PITPNM2: variants seen among roughly 807,000 people sequenced by gnomAD.
PITPNM2 encodes membrane-associated phosphatidylinositol transfer protein 2.
Under a neutral mutation model 132.2 loss-of-function variants are expected in PITPNM2, and 35 were observed. The ratio of observed to expected loss-of-function variants is 0.26; its 90% CI spans 0.20 to 0.35. PITPNM2 has a LOEUF of 0.35. Ranked by LOEUF, PITPNM2 falls within the 10% of genes least tolerant of loss-of-function variation. The pLI, the probability that PITPNM2 is intolerant of heterozygous loss-of-function variation, is 1.00. For synonymous variants in PITPNM2, 738 were observed against 799.2 expected, an observed-to-expected ratio of 0.92 and a Z score of 1.29; for missense variants, 1,332 against 1,912.0, an observed-to-expected ratio of 0.70 and a Z score of 5.66.
In PITPNM2 at chr12:123,023,768, A is replaced by C. The variant is rs1210391217; in HGVS notation, c.79-9726T>G. Among the ~76,000 whole-genome samples the C allele has an allele frequency of 1.3e-5, 2 of 152,214 alleles. No homozygotes were observed. The highest frequency in any genetic ancestry group is 3.8e-4 in the East Asian group (2 of 5,206). On this transcript the variant is annotated intron_variant, in intron 3 of 25. Coordinates refer to ENST00000320201, the MANE Select transcript of PITPNM2 (RefSeq NM_020845.3). This position sits in a 1 kb window ranked among gnomAD's most constrained non-coding sequence, Gnocchi z 4.8. ...CACCAAAAGCACAAGCAACAAAAGA[A>C]AAGACAGATAAACTGGACCTCATCA...
rs191571999 is a variant in PITPNM2, at chr12:122,994,125, C to T, written c.2233+676G>A. ...CTGACCTCAGCTGATCCGCCCGCCT[C>T]GGCCTCCCAAAGTGCTGGATTACAG... On this transcript the variant is annotated intron_variant, in intron 15 of 25. Transcript: ENST00000320201. This position sits in a 1 kb window ranked among gnomAD's most constrained non-coding sequence, Gnocchi z 5.4. 3.9e-5 allele frequency among the ~76,000 whole-genome samples: 6 copies of T among 152,310 alleles called. No individual in the cohort carries two copies. The highest frequency in any genetic ancestry group is 2.1e-4 in the South Asian group (1 of 4,828).
chr12:123,055,828 C>G (rs181034753), intron 2 of PITPNM2, among the ~76,000 whole-genome samples: 1 of 151,992 alleles, frequency 6.6e-6, no homozygotes, highest in African/African-American at 2.4e-5. Flanking sequence ...GCAGAGGGAA[C>G]GGTGACTCCC....
intron 2 of PITPNM2, among the ~76,000 whole-genome samples, chr12:123,070,354 G>A (rs909989730): frequency 4.6e-5 from 7 of 152,200 alleles, no homozygotes; most frequent in Non-Finnish European, 2.9e-5. Flanking sequence ...TATAGTGAAG[G>A]GGTTTGAGCT....
rs1279826619 is a variant in PITPNM2, at chr12:123,000,992, G to T, written c.1153+62C>A. On this transcript the variant is annotated intron_variant, in intron 9 of 25. Coordinates refer to ENST00000320201, the MANE Select transcript of PITPNM2 (RefSeq NM_020845.3). The surrounding 1 kb of genome is among the most constrained non-coding windows in gnomAD (Gnocchi z 5.4). ...CACTGTGCAGAAGCTGGTCAGAAAGGAGGGGGCTGAAGCCCTGCAACCGCC... is the reference window on the plus strand; with the variant it reads ...CACTGTGCAGAAGCTGGTCAGAAAGTAGGGGGCTGAAGCCCTGCAACCGCC... The T allele has an allele frequency of 6.4e-6, 10 of 1,552,746 alleles. No homozygotes were observed. The African/African-American group carries it at 1.4e-4, about 21-fold the overall frequency.
intron 19 of PITPNM2, among the ~76,000 whole-genome samples, 179 bp downstream of exon 19, chr12:122,988,545 C>T (rs528921437): frequency 2.6e-4 from 40 of 152,156 alleles, no homozygotes; most frequent in Non-Finnish European, 5.6e-4. Flanking sequence ...TATGTTCCCT[C>T]CATCCCAATG....
chr12:122,998,334 A>G (rs1183996767), intron 10 of PITPNM2, among the ~76,000 whole-genome samples: 1 of 152,238 alleles, frequency 6.6e-6, no homozygotes, highest in Non-Finnish European at 1.5e-5. Context: ...TGTGAGGTCA[A>G]GGTGAGACCC....
At chr12:123,034,180 T>G (rs1038614522) in intron 3 of PITPNM2, 8 of 261,720 alleles carry the variant, frequency 3.1e-5, no homozygotes, top group Non-Finnish European at 5.1e-5. Context: ...TGGTATTTAC[T>G]GATGGCAGCC....
At chr12:123,055,593 C>T (rs1002949685) in intron 2 of PITPNM2, among the ~76,000 whole-genome samples, 1 of 152,248 alleles carries the variant, frequency 6.6e-6, no homozygotes, top group Non-Finnish European at 1.5e-5. Context: ...CCTGTGTACA[C>T]ACCGTTCTGC....
chr12:122,990,609 C>G lies in PITPNM2; in HGVS notation c.2505G>C (p.Glu835Asp). The G allele has an allele frequency of 6.2e-7, 1 of 1,612,516 alleles. No individual in the cohort carries two copies. The highest frequency in any genetic ancestry group is 8.5e-7 in the Non-Finnish European group (1 of 1,179,986). ...CTGACACCTGGCTGGCGATGCTGATCTCACTGGCTCGGCGGAAGCCACGAC... is the reference window on the plus strand; with the variant it reads ...CTGACACCTGGCTGGCGATGCTGATGTCACTGGCTCGGCGGAAGCCACGAC... ...PASRGFRRAS[E>D]ISIASQVSGM... is the part of the protein sequence containing the mutation. Residue 835 changes from glutamate to aspartate, a missense_variant, in exon 17 of 26, where the codon GAG becomes GAC. By Grantham distance (45) the Glu-to-Asp change is conservative. Around this residue, in one of 6 missense-constraint regions of PITPNM2, gnomAD observed 710 missense variants for 911.5 expected, o/e 0.78. Transcript: ENST00000320201.
chr12:123,122,940 A>G (rs1485172887), intron 1 of PITPNM2, among the ~76,000 whole-genome samples: 2 of 152,252 alleles, frequency 1.3e-5, no homozygotes, highest in Non-Finnish European at 2.9e-5. Context: ...GGGAGTGTAA[A>G]TTGGTACTAC....
In PITPNM2 at chr12:122,988,225, G is replaced by C. The variant is rs756831992; in HGVS notation, c.2997+9C>G. ...ATCGTGGGGGCCTGGGCGCCCGGGGGACCCTCACCCGCAGCTTCACGTGGG... is the reference window on the plus strand; with the variant it reads ...ATCGTGGGGGCCTGGGCGCCCGGGGCACCCTCACCCGCAGCTTCACGTGGG... On this transcript the variant is annotated intron_variant, in intron 20 of 25. Transcript: ENST00000320201. The C allele has an allele frequency of 6.2e-7, 1 of 1,611,170 alleles. No homozygotes were observed. The highest frequency in any genetic ancestry group is 8.5e-7 in the Non-Finnish European group (1 of 1,179,064).
intron 1 of PITPNM2, among the ~76,000 whole-genome samples, chr12:123,131,613 C>G (rs1190140331): frequency 1.3e-5 from 2 of 152,194 alleles, no homozygotes; most frequent in Non-Finnish European, 2.9e-5. Flanking sequence ...GAGGGAGAGT[C>G]TGGTTCCATC....
chr12:123,030,975 T>C (rs1366141963), intron 3 of PITPNM2, among the ~76,000 whole-genome samples: 3 of 151,700 alleles, frequency 2.0e-5, no homozygotes, highest in African/African-American at 7.3e-5. Context: ...TTAGTGATTG[T>C]CAGGGGGTGG....
Position 122,988,873 on chromosome 12 carries a change from C to A in PITPNM2, c.2732-1G>T. On this transcript the variant is annotated splice_acceptor_variant, in intron 18 of 25. Transcript: ENST00000320201. LOFTEE classifies it high-confidence loss of function. ...TTCTGGCCCCACCACTTTGCAGCGA[C>A]TGCCAGGAGGGGCCGTGACTGGGCT... 1 of 1,559,742 alleles carries A rather than the reference C, an allele frequency of 6.4e-7. No homozygotes were observed. Among genetic ancestry groups the A allele is most frequent in the Admixed American group, 1.9e-5 (1 of 51,760 alleles).
At position 123,004,488 on chromosome 12, in the gene PITPNM2, C is replaced by T. The variant is rs770818048; in HGVS notation, c.954G>A (p.Ala318=). ...CTGAGATGCTGTGGCGGGAAGGACT[C>T]GCTGGAAGGCAAAACCCCAGATTGA... ...SKSSRSSKRG[A]SPSRHSISEW... The change falls in exon 8 of 26, where the codon GCG becomes GCA. Residue 318 remains alanine, a splice_region_variant and synonymous_variant. Transcript: ENST00000320201. The surrounding 1 kb of genome is among the most constrained non-coding windows in gnomAD (Gnocchi z 4.9). 1.9e-6 allele frequency: 3 copies of T among 1,613,584 alleles called. No individual in the cohort carries two copies. Among genetic ancestry groups the T allele is most frequent in the African/African-American group, 1.3e-5 (1 of 75,038 alleles).
chr12:123,013,913 G>A lies in PITPNM2; in HGVS notation c.208C>T (p.Pro70Ser). Reference protein sequence around the residue: ...HKVYHVGMHIPSWFRSILPKA... With the variant: ...HKVYHVGMHISSWFRSILPKA... ...GGCAGGATGGAGCGGAACCAGCTGGGAATGTGCATGCCCACATGATACACC... is the reference window on the plus strand; with the variant it reads ...GGCAGGATGGAGCGGAACCAGCTGGAAATGTGCATGCCCACATGATACACC... The change falls in exon 4 of 26, where the codon CCC becomes TCC. Residue 70 changes from proline (P) to serine (S), a missense_variant. Coordinates refer to ENST00000320201, the MANE Select transcript of PITPNM2 (RefSeq NM_020845.3). The A allele has an allele frequency of 1.2e-6, 2 of 1,614,278 alleles. No homozygotes were observed. The highest frequency in any genetic ancestry group is 1.7e-6 in the Non-Finnish European group (2 of 1,180,048).
chr12:123,124,731 C>T (rs561347440), intron 1 of PITPNM2, among the ~76,000 whole-genome samples: 13 of 152,244 alleles, frequency 8.5e-5, no homozygotes, highest in Admixed American at 3.9e-4. Flanking sequence ...TCCCCCAACC[C>T]GGCAAGAAGT....
chr12:123,041,737 A>G (rs1304831516), intron 2 of PITPNM2, among the ~76,000 whole-genome samples: 2 of 152,096 alleles, frequency 1.3e-5, no homozygotes. Context: ...CAGACAGAGA[A>G]AAAAAAACAC....
intron 2 of PITPNM2, among the ~76,000 whole-genome samples, chr12:123,074,289 G>T (rs1450338124): frequency 6.6e-6 from 1 of 152,182 alleles, no homozygotes; most frequent in Non-Finnish European, 1.5e-5. Context: ...GCAGACATAG[G>T]TTAAGGAGTT....
Sources: allele counts gnomAD v4.1 joint callset (sites outside exome capture counted in the v4.1 genomes callset), GRCh38; gene constraint gnomAD v4.1.1; regional missense constraint gnomAD v4.1.1; non-coding constraint Gnocchi (gnomAD v3.1); transcripts MANE v1.5; gene names NCBI Gene and HGNC (gene_info 2026-07-23, HGNC 2026-07-21).